PPARGC1A: variants seen among roughly 807,000 people sequenced by gnomAD.
PPARGC1A encodes PPARG coactivator 1 alpha.
Under a neutral mutation model 88.7 loss-of-function variants are expected in PPARGC1A, and 25 were observed. The observed-to-expected ratio is 0.28, with a 90% CI of 0.21 to 0.39. The LOEUF (loss-of-function observed/expected upper bound fraction) is 0.39. Among genes scored for constraint, PPARGC1A ranks in the 10% least tolerant of loss-of-function variants. The pLI is 1.00. For missense variants in PPARGC1A, 880 were observed against 968.7 expected (o/e 0.91, Z 1.22); for synonymous variants, 363 against 355.6 (o/e 1.02, Z -0.24).
the PPARGC1A span, among the ~76,000 whole-genome samples, chr4:24,118,839 A>G: frequency 4.6e-5 from 7 of 152,206 alleles, no homozygotes; most frequent in African/African-American, 1.7e-4. Flanking sequence ...GTGGAGGTCA[A>G]CACAATGAAA....
At chr4:23,947,204 C>T in the PPARGC1A span, among the ~76,000 whole-genome samples, 3 of 151,666 alleles carry the variant, frequency 2.0e-5, no homozygotes, top group Admixed American at 6.6e-5. Context: ...GATGATTCCA[C>T]GAGTACTGAT....
At chr4:24,115,445 A>C in the PPARGC1A span, among the ~76,000 whole-genome samples, 3,016 of 152,224 alleles carry the variant, frequency 0.02, 53 homozygotes, top group Middle Eastern at 0.044. Context: ...TGGAAAAAAA[A>C]CCGAGTACCC....
the PPARGC1A span, among the ~76,000 whole-genome samples, chr4:23,941,605 C>A: frequency 1.3e-5 from 2 of 152,224 alleles, no homozygotes; most frequent in Non-Finnish European, 2.9e-5. Flanking sequence ...AAGAGAATGG[C>A]ACTGGTGATG....
At chr4:23,993,833 G>A in the PPARGC1A span, among the ~76,000 whole-genome samples, 1 of 152,028 alleles carries the variant, frequency 6.6e-6, no homozygotes, top group Non-Finnish European at 1.5e-5. Context: ...TTCCTAAACA[G>A]CACAGTAAAG....
chr4:24,335,804 T>C, the PPARGC1A span, among the ~76,000 whole-genome samples: 1 of 152,158 alleles, frequency 6.6e-6, no homozygotes. Context: ...CTGGTCTTGC[T>C]TCCAATTTGA....
At chr4:24,282,458 G>T in the PPARGC1A span, among the ~76,000 whole-genome samples, 2 of 152,134 alleles carry the variant, frequency 1.3e-5, no homozygotes, top group South Asian at 2.1e-4. Flanking sequence ...AAGAAAGGCT[G>T]GTATTTTAGG....
At chr4:24,196,292 G>A in the PPARGC1A span, among the ~76,000 whole-genome samples, 1 of 152,196 alleles carries the variant, frequency 6.6e-6, no homozygotes, top group East Asian at 1.9e-4. Flanking sequence ...CCCAGAGAAG[G>A]AGAGAAAAAT....
the PPARGC1A span, among the ~76,000 whole-genome samples, chr4:24,347,736 CATTTAGGCT>C: frequency 6.6e-6 from 1 of 152,122 alleles, no homozygotes; most frequent in African/African-American, 2.4e-5. Context: ...TTAAGTGGAG[CATTTAGGCT>C]ATTTATATTC....
the PPARGC1A span, among the ~76,000 whole-genome samples, chr4:24,177,922 G>A: frequency 1.3e-5 from 2 of 152,128 alleles, no homozygotes; most frequent in African/African-American, 4.8e-5. Flanking sequence ...TTCTGTTTCT[G>A]GGAAATCATC....
chr4:24,271,103 A>T, the PPARGC1A span, among the ~76,000 whole-genome samples: 1 of 152,226 alleles, frequency 6.6e-6, no homozygotes, highest in Non-Finnish European at 1.5e-5. Flanking sequence ...CATGTCAGAT[A>T]TAAGATGGTG....
At chr4:24,413,052 C>T in the PPARGC1A span, among the ~76,000 whole-genome samples, 1 of 152,296 alleles carries the variant, frequency 6.6e-6, no homozygotes, top group South Asian at 2.1e-4. Flanking sequence ...AAGGCAGTTT[C>T]TTGTATGGCC....
Position 23,813,062 on chromosome 4 carries a change from A to G in PPARGC1A, c.1857T>C (p.Tyr619=), listed in dbSNP as rs555749622. The G allele has an allele frequency of 9.9e-6, 16 of 1,614,132 alleles. No homozygotes were observed. In the East Asian group the frequency reaches 1.3e-4, roughly 13 times the overall value. Residue 619 remains tyrosine, a synonymous_variant, in exon 9 of 13, where the codon TAT becomes TAC. Coordinates refer to ENST00000264867, the MANE Select transcript of PPARGC1A (RefSeq NM_013261.5). Reference sequence around the variant, plus strand: ...AGGGCGATCTTGAACGTGATCTCACATACAAGGGAGAATTTCGGTGCGTGC... The same window carrying G: ...AGGGCGATCTTGAACGTGATCTCACGTACAAGGGAGAATTTCGGTGCGTGC... ...RHRTHRNSPL[Y]VRSRSRSPYS...
the PPARGC1A span, among the ~76,000 whole-genome samples, chr4:24,200,718 C>T: frequency 3.8e-5 from 5 of 132,614 alleles, no homozygotes; most frequent in Non-Finnish European, 6.3e-5. Flanking sequence ...AATATGGATA[C>T]GGGACACATG....
the PPARGC1A span, among the ~76,000 whole-genome samples, chr4:24,295,472 G>T: frequency 6.6e-6 from 1 of 151,988 alleles, no homozygotes; most frequent in Non-Finnish European, 1.5e-5. Context: ...GAGTTTGTGG[G>T]AAAACCATCA....
chr4:24,350,820 C>T, the PPARGC1A span, among the ~76,000 whole-genome samples: 3 of 152,024 alleles, frequency 2.0e-5, no homozygotes, highest in Admixed American at 6.6e-5. Context: ...GAGTTGAGTG[C>T]AAGAAGACCT....
the PPARGC1A span, among the ~76,000 whole-genome samples, chr4:24,467,260 G>T: frequency 4.9e-3 from 752 of 152,306 alleles, 23 homozygotes; most frequent in East Asian, 0.049. Context: ...CAGAAAAATT[G>T]GAGTTATGTG....
chr4:23,909,778 A>G, the PPARGC1A span, among the ~76,000 whole-genome samples: 769 of 152,014 alleles, frequency 5.1e-3, 6 homozygotes, highest in Middle Eastern at 0.02. Flanking sequence ...TATAAGGATC[A>G]GATACCTAGC....
intron 11 of PPARGC1A, 37 bp downstream of exon 11, chr4:23,802,187 C>T: frequency 6.2e-7 from 1 of 1,613,408 alleles, no homozygotes; most frequent in Non-Finnish European, 8.5e-7. Flanking sequence ...TTACATACGT[C>T]AGCTTCTAAA....
the PPARGC1A span, among the ~76,000 whole-genome samples, chr4:24,360,169 G>A: frequency 4.6e-5 from 7 of 152,084 alleles, no homozygotes; most frequent in Non-Finnish European, 7.4e-5. Flanking sequence ...CCCTGAATTG[G>A]AGCAAAAGGC....
Sources: allele counts gnomAD v4.1 joint callset (sites outside exome capture counted in the v4.1 genomes callset), GRCh38; gene constraint gnomAD v4.1.1; transcripts MANE v1.5; gene names NCBI Gene and HGNC (gene_info 2026-07-23, HGNC 2026-07-21).